The following SGPP2 variants were observed in gnomAD, a reference collection of about 807,000 sequenced individuals.
SGPP2 encodes sphingosine 1-phosphate phosphohydrolase 2.
SGPP2 carries 30 observed loss-of-function variants against 33.9 expected under a neutral mutation model. The ratio of observed to expected loss-of-function variants is 0.89; its 90% CI spans 0.66 to 1.20. The LOEUF (loss-of-function observed/expected upper bound fraction) is 1.20. SGPP2 is among the 50% of genes most tolerant of loss of function. The pLI is 0.00. For synonymous variants in SGPP2, 233 were observed against 225.0 expected, an observed-to-expected ratio of 1.04 and a Z score of -0.32; for missense variants, 458 against 532.1, an observed-to-expected ratio of 0.86 and a Z score of 1.37.
rs67613978 is a variant in SGPP2 at position 222,559,161 on chromosome 2, G to GC, written c.*277dup. On this transcript the variant is annotated 3_prime_UTR_variant, in exon 5 of 5. Transcript: ENST00000321276. ...CCGGATCTTTAAAGGCACACACCGC[G>GC]CCCCCCCCCCCCCCGCCCGGCCCCT... 5 of 29,922 alleles carry GC rather than the reference G, an allele frequency of 1.7e-4. No homozygotes were observed. Among genetic ancestry groups the GC allele is most frequent in the Admixed American group, 4.5e-4 (1 of 2,202 alleles). The allele number at this position is 29,922 out of a possible 1,614,324, so 1.9% of individuals were successfully genotyped here.
chr2:222,489,757 G>A (rs1049987454), intron 2 of SGPP2, among the ~76,000 whole-genome samples: 1 of 152,152 alleles, frequency 6.6e-6, no homozygotes, highest in Non-Finnish European at 1.5e-5. Context: ...CCTGAGGTCA[G>A]GAGTTCAAGA....
At chr2:222,430,049 T>C (rs935133484) in intron 1 of SGPP2, among the ~76,000 whole-genome samples, 5 of 151,810 alleles carry the variant, frequency 3.3e-5, no homozygotes, top group African/African-American at 1.2e-4. Context: ...ATTTAGTTTC[T>C]TCTGTGTGAA....
At chr2:222,430,280 T>A (rs1309334656) in intron 1 of SGPP2, among the ~76,000 whole-genome samples, 1 of 152,162 alleles carries the variant, frequency 6.6e-6, no homozygotes, top group Non-Finnish European at 1.5e-5. Flanking sequence ...AAGACACGTG[T>A]CATTTTTGGT....
At chr2:222,514,024 T>C (rs1177818058) in intron 2 of SGPP2, among the ~76,000 whole-genome samples, 2 of 152,254 alleles carry the variant, frequency 1.3e-5, no homozygotes. Flanking sequence ...TCCTGTTATA[T>C]TCTAAATATA....
At chr2:222,440,860 T>C (rs1031633510) in intron 1 of SGPP2, among the ~76,000 whole-genome samples, 1 of 151,864 alleles carries the variant, frequency 6.6e-6, no homozygotes, top group African/African-American at 2.4e-5. Context: ...AATCTGACAC[T>C]CTCTGCTTCC....
chr2:222,488,258 C>T (rs1244392478), intron 2 of SGPP2, among the ~76,000 whole-genome samples: 1 of 152,138 alleles, frequency 6.6e-6, no homozygotes, highest in Admixed American at 6.5e-5. Flanking sequence ...TAACCCTGGG[C>T]CATGGACTGG....
chr2:222,434,604 G>T (rs1697206899), intron 1 of SGPP2, among the ~76,000 whole-genome samples: 1 of 152,140 alleles, frequency 6.6e-6, no homozygotes. Context: ...CTGGTTCATT[G>T]TTACTTTGTT....
chr2:222,531,386 C>A (rs762632348), intron 4 of SGPP2, among the ~76,000 whole-genome samples: 3 of 152,096 alleles, frequency 2.0e-5, no homozygotes, highest in Admixed American at 6.6e-5. Context: ...CATGGATGAG[C>A]CTTGAAGACA....
intron 4 of SGPP2, among the ~76,000 whole-genome samples, chr2:222,529,708 G>T (rs1239596149): frequency 6.6e-6 from 1 of 152,096 alleles, no homozygotes; most frequent in East Asian, 1.9e-4. Flanking sequence ...ATCCATAAGG[G>T]CTGGAATCAA....
At chr2:222,556,867 C>A in intron 4 of SGPP2, among the ~76,000 whole-genome samples, 1 of 121,650 alleles carries the variant, frequency 8.2e-6, no homozygotes. Flanking sequence ...TCCCCATCCA[C>A]CCTCACTCCT....
At position 222,536,088 on chromosome 2, in the gene SGPP2, G is replaced by A. The variant is rs193290790; in HGVS notation, c.648+11055G>A. 9.2e-5 allele frequency among the ~76,000 whole-genome samples: 14 copies of A among 152,320 alleles called. No homozygotes were observed. The East Asian group carries it at 2.7e-3, about 29-fold the overall frequency. ...TTCGATTTAAGACTAAGGGGTTGAT[G>A]AAATCTTCCATAGGAGCCAGGCTCC... On this transcript the variant is annotated intron_variant, in intron 4 of 4. Coordinates refer to ENST00000321276, the MANE Select transcript of SGPP2 (RefSeq NM_152386.4).
chr2:222,454,262 G>A (rs759787029), intron 1 of SGPP2, among the ~76,000 whole-genome samples: 52 of 152,112 alleles, frequency 3.4e-4, no homozygotes, highest in Admixed American at 1.3e-4. Flanking sequence ...AAAAGATAAC[G>A]GGAAATATGA....
At chr2:222,461,692 A>G (rs1430845010) in intron 1 of SGPP2, among the ~76,000 whole-genome samples, 1 of 151,968 alleles carries the variant, frequency 6.6e-6, no homozygotes, top group African/African-American at 2.4e-5. Context: ...TCGCATGTGC[A>G]GTTCACAATA....
At chr2:222,492,125 A>G (rs1235738800) in intron 2 of SGPP2, among the ~76,000 whole-genome samples, 1 of 152,162 alleles carries the variant, frequency 6.6e-6, no homozygotes, top group African/African-American at 2.4e-5. Context: ...CACATGGTGC[A>G]AGCTGTCAAT....
chr2:222,522,275 C>T (rs1180800212), intron 3 of SGPP2, among the ~76,000 whole-genome samples: 1 of 151,786 alleles, frequency 6.6e-6, no homozygotes, highest in Non-Finnish European at 1.5e-5. Flanking sequence ...TGAATTAGTG[C>T]TCTCATCCTC....
intron 2 of SGPP2, among the ~76,000 whole-genome samples, chr2:222,493,576 T>C (rs1415439025): frequency 1.3e-5 from 2 of 152,174 alleles, no homozygotes. Context: ...ACTACAGCAG[T>C]CCTCCCGCCT....
chr2:222,467,370 C>T (rs73993565), intron 1 of SGPP2, among the ~76,000 whole-genome samples: 11 of 152,278 alleles, frequency 7.2e-5, no homozygotes, highest in African/African-American at 2.6e-4. Flanking sequence ...TTTGCCTGCT[C>T]TGATCTGAGT....
At chr2:222,425,636 C>G (rs770972929) in intron 1 of SGPP2, among the ~76,000 whole-genome samples, 5 of 152,220 alleles carry the variant, frequency 3.3e-5, no homozygotes, top group Non-Finnish European at 5.9e-5. Flanking sequence ...GGACGCATGT[C>G]TACCGGGAGC....
At chr2:222,516,471 A>G (rs1698604446) in intron 2 of SGPP2, among the ~76,000 whole-genome samples, 1 of 152,202 alleles carries the variant, frequency 6.6e-6, no homozygotes, top group Non-Finnish European at 1.5e-5. Flanking sequence ...TATAAAAAAG[A>G]GCTGTTATGA....
Sources: allele counts gnomAD v4.1 joint callset (sites outside exome capture counted in the v4.1 genomes callset), GRCh38; gene constraint gnomAD v4.1.1; transcripts MANE v1.5; gene names NCBI Gene and HGNC (gene_info 2026-07-23, HGNC 2026-07-21).